Variants in CACNA1F observed in about 807,000 individuals in gnomAD.
CACNA1F encodes calcium voltage-gated channel subunit alpha1 F.
In CACNA1F, 59 loss-of-function variants were observed where a neutral mutation model predicts 143.8. The observed-to-expected ratio is 0.41, with a 90% CI of 0.33 to 0.51. The LOEUF is 0.51. Among genes scored for constraint, CACNA1F ranks in the 20% least tolerant of loss-of-function variants. The pLI, the probability that CACNA1F is intolerant of heterozygous loss-of-function variation, is 0.22. For missense variants in CACNA1F, 1,411 were observed against 1,647.5 expected (o/e 0.86, Z 2.48); for synonymous variants, 643 against 649.1 (o/e 0.99, Z 0.14).
intron 6 of CACNA1F, among the ~76,000 whole-genome samples, chrX:49,229,272 G>A (rs1390119830): frequency 1.8e-5 from 2 of 110,317 alleles, no homozygotes; most frequent in East Asian, 5.8e-4. Flanking sequence ...TTCTCATGCC[G>A]CAGCCTCCCG....
intron 42 of CACNA1F, 85 bp from the exon 43 acceptor site, chrX:49,208,769 T>G (rs2065625409): frequency 1.3e-6 from 1 of 798,080 alleles, no homozygotes; most frequent in East Asian, 3.1e-5. Flanking sequence ...CACAGGTCCA[T>G]GAATGTGGGC....
At chrX:49,208,032 GA>G (rs782291802) in intron 43 of CACNA1F, among the ~76,000 whole-genome samples, 4,105 of 86,178 alleles carry the variant, frequency 0.048, 78 homozygotes, top group African/African-American at 0.055. Context: ...CGTCTCTACT[GA>G]AAAAAAAAAA....
chrX:49,224,048 T>C (rs2065800792), intron 14 of CACNA1F, among the ~76,000 whole-genome samples: 1 of 111,247 alleles, frequency 9.0e-6, no homozygotes, highest in Non-Finnish European at 1.9e-5. Flanking sequence ...GGAGGTTTAA[T>C]GGAAGTTGGT....
Position 49,205,677 on chromosome X carries a change from G to A in CACNA1F, c.5609C>T (p.Pro1870Leu), listed in dbSNP as rs782792010. ...PLRTFTCLHV[P>L]GTHSDPSHGK... ...ATGGCTGGGGTCCGAGTGGGTTCCA[G>A]GCACGTGCAGACAGGTGAAGGTGCG... Residue 1870 changes from proline (P) to leucine (L), a missense_variant, in exon 47 of 48, where the codon CCT becomes CTT. By Grantham distance (98) the Pro-to-Leu change is moderately conservative (BLOSUM62 -3). Around this residue, in one of 3 missense-constraint regions of CACNA1F, gnomAD observed 349 missense variants for 350.2 expected, o/e 1.00. Coordinates refer to ENST00000323022, the MANE Select transcript of CACNA1F (RefSeq NM_001256789.3). 1.7e-6 allele frequency: 2 copies of A among 1,203,350 alleles called. No homozygotes were observed. Among genetic ancestry groups the A allele is most frequent in the African/African-American group, 1.8e-5 (1 of 56,956 alleles).
At chrX:49,217,025 C>T (rs144983806) in intron 26 of CACNA1F, among the ~76,000 whole-genome samples, 8 of 111,540 alleles carry the variant, frequency 7.2e-5, no homozygotes, top group Non-Finnish European at 1.5e-4. Flanking sequence ...GTGGCATGAT[C>T]TTGGCTCACT....
intron 42 of CACNA1F, chrX:49,208,952 A>T: frequency 2.4e-6 from 1 of 419,783 alleles, no homozygotes; most frequent in Non-Finnish European, 4.2e-6. Flanking sequence ...CAGCCTCCCA[A>T]GTAGCTGGGA....
chrX:49,222,104 G>A (rs2065780618), intron 17 of CACNA1F, among the ~76,000 whole-genome samples: 1 of 111,412 alleles, frequency 9.0e-6, no homozygotes, highest in South Asian at 3.8e-4. Context: ...CTTCATTCAG[G>A]TCTCTGGTGA....
At chrX:49,218,857 G>A (rs782565876) in intron 22 of CACNA1F, 25 bp downstream of exon 22, 1 of 1,174,082 alleles carries the variant, frequency 8.5e-7, no homozygotes, top group East Asian at 3.0e-5. Context: ...GCAACTGAGG[G>A]TAGGACTGGG....
Position 49,230,912 on chromosome X carries a change from G to A in CACNA1F, c.459C>T (p.Leu153=). The change falls in exon 4 of 48, where the codon CTC becomes CTT. Residue 153 remains leucine, a synonymous_variant. Transcript: ENST00000323022. ...VLKIVAYGLV[L]HPSAYIRNGW... is the part of the protein sequence containing the mutation. ...CATTGCGGATGTAGGCGCTGGGGTG[G>A]AGCACCAGCCCGTAGGCCACGATCT... 8.4e-7 allele frequency: 1 copy of A among 1,189,157 alleles called. No homozygotes were observed. Among genetic ancestry groups the A allele is most frequent in the South Asian group, 1.8e-5 (1 of 54,444 alleles).
In CACNA1F at chrX:49,209,370, G is replaced by C; in HGVS notation, c.4845C>G (p.Asp1615Glu). Residue 1615 changes from aspartate (D) to glutamate (E), a missense_variant, in exon 42 of 48, where the codon GAC (aspartate) becomes GAG (glutamate). Physicochemically the swap from Asp to Glu is conservative, Grantham distance 45. This residue lies in a region of CACNA1F where 349 missense variants were observed against 350.2 expected (regional missense o/e 1.00). Coordinates refer to ENST00000323022, the MANE Select transcript of CACNA1F (RefSeq NM_001256789.3). The stretch of plus-strand genomic sequence containing the variant: ...GGGCCTGCCGCATCTCAGGACCCAA[G>C]TCCTGCAGGCTCCGCAGACCAGCCT... ...ALQAGLRSLQDLGPEMRQALT... is the reference protein window; with the variant it reads ...ALQAGLRSLQELGPEMRQALT... 8.3e-7 allele frequency: 1 copy of C among 1,210,588 alleles called. No homozygotes were observed. Among genetic ancestry groups the C allele is most frequent in the Non-Finnish European group, 1.1e-6 (1 of 894,768 alleles).
At chrX:49,231,403 A>G in intron 2 of CACNA1F, 96 bp from the exon 3 acceptor site, 1 of 685,512 alleles carries the variant, frequency 1.5e-6, no homozygotes, top group Non-Finnish European at 2.3e-6. Context: ...TTGACGCCCA[A>G]GGTGACAGGT....
At position 49,209,691 on chromosome X, in the gene CACNA1F, G is replaced by A. The variant is rs782005032; in HGVS notation, c.4759C>T (p.Arg1587Trp). 44 of 1,209,219 alleles carry A rather than the reference G, an allele frequency of 3.6e-5. No individual in the cohort carries two copies. In the Admixed American group the frequency reaches 9.4e-4, roughly 26 times the overall value. Residue 1587 changes from arginine (R) to tryptophan (W), a missense_variant, in exon 41 of 48, where the codon CGG (arginine) becomes TGG (tryptophan). Physicochemically the swap from Arg to Trp is moderately radical, Grantham distance 101. Coordinates refer to ENST00000323022, the MANE Select transcript of CACNA1F (RefSeq NM_001256789.3). ...CCTAGTAGCCCTTTTTCTTTCCTCC[G>A]CCGGAATTTGCGGAAATAGTCCTGG... ...LIQDYFRKFR[R>W]RKEKGLLGND...
In CACNA1F at chrX:49,218,900, A is replaced by G; in HGVS notation, c.2715T>C (p.Thr905=). The G allele has an allele frequency of 8.3e-7, 1 of 1,206,762 alleles. No homozygotes were observed. Among genetic ancestry groups the G allele is most frequent in the Non-Finnish European group, 1.1e-6 (1 of 891,772 alleles). ...YFDYAFTSIF[T]VEILLKMTVF... is the part of the protein sequence containing the mutation. ...TAGTCACCTTTAGTAGAATCTCCACAGTGAAAATGGAGGTGAAGGCATAAT... is the reference window on the plus strand; with the variant it reads ...TAGTCACCTTTAGTAGAATCTCCACGGTGAAAATGGAGGTGAAGGCATAAT... The change falls in exon 22 of 48, where the codon ACT becomes ACC. Residue 905 remains threonine, a synonymous_variant. Coordinates refer to ENST00000323022, the MANE Select transcript of CACNA1F (RefSeq NM_001256789.3).
intron 35 of CACNA1F, among the ~76,000 whole-genome samples, 194 bp downstream of exon 35, chrX:49,211,704 G>A (rs1001349078): frequency 2.7e-5 from 3 of 112,268 alleles, no homozygotes; most frequent in South Asian, 3.7e-4. Context: ...AAGGGGAGGC[G>A]TCTTACAGTC....
chrX:49,209,128 CAAAT>C (rs781819121), intron 42 of CACNA1F, 130 bp downstream of exon 42: 6 of 779,778 alleles, frequency 7.7e-6, no homozygotes. Context: ...CTCCCAGCCT[CAAAT>C]AAATATTTTT....
intron 6 of CACNA1F, 26 bp from the exon 7 acceptor site, chrX:49,228,473 T>C: frequency 1.7e-6 from 2 of 1,148,855 alleles, no homozygotes; most frequent in Non-Finnish European, 2.4e-6. Flanking sequence ...AGCTTGGGGC[T>C]TCGAAGCAGG....
chrX:49,230,258 A>G lies in CACNA1F; in HGVS notation c.779T>C (p.Leu260Pro). 8.3e-7 allele frequency: 1 copy of G among 1,207,723 alleles called. No individual in the cohort carries two copies. The highest frequency in any genetic ancestry group is 1.1e-6 in the Non-Finnish European group (1 of 893,120). ...GTAGCACGTCTTGTGCATTCGTCCAAGGAACAGCTCGAGCCCAATGATGGC... is the reference window on the plus strand; with the variant it reads ...GTAGCACGTCTTGTGCATTCGTCCAGGGAACAGCTCGAGCCCAATGATGGC... The part of the protein sequence containing the change: ...IYAIIGLELF[L>P]GRMHKTCYFL... Residue 260 changes from leucine (L) to proline (P), a missense_variant, in exon 6 of 48, where the codon CTT (leucine) becomes CCT (proline). Physicochemically the swap from Leu to Pro is moderately conservative, Grantham distance 98. Coordinates refer to ENST00000323022, the MANE Select transcript of CACNA1F (RefSeq NM_001256789.3).
Position 49,231,320 on chromosome X carries a change from C to G in CACNA1F, c.276-13G>C. The G allele has an allele frequency of 9.2e-7, 1 of 1,085,163 alleles. No homozygotes were observed. Among genetic ancestry groups the G allele is most frequent in the Non-Finnish European group, 1.3e-6 (1 of 797,783 alleles). 89.4% of individuals were successfully genotyped at this position (1,085,163 alleles called of 1,213,427 possible). On this transcript the variant is annotated splice_polypyrimidine_tract_variant and intron_variant, in intron 2 of 47. Transcript: ENST00000323022. ...GATGTCGAAGGGCCTCAGGTGGACA[C>G]AGTCAAGGACCCTGGCAGAGTGGCA...
At position 49,210,666 on chromosome X, in the gene CACNA1F, T is replaced by A. The variant is rs1380730159; in HGVS notation, c.4409A>T (p.Asp1470Val). ...GATACGTCTCAGCAGGGCAACCACATCCAAGTGTTTGATGCGGCCCCTGGA... is the reference window on the plus strand; with the variant it reads ...GATACGTCTCAGCAGGGCAACCACAACCAAGTGTTTGATGCGGCCCCTGGA... ...PGAKGRIKHL[D>V]VVALLRRIQP... is the part of the protein sequence containing the mutation. The change falls in exon 38 of 48, where the codon GAT (aspartate) becomes GTT (valine). Residue 1470 changes from aspartate to valine, a missense_variant. Around this residue, in one of 3 missense-constraint regions of CACNA1F, gnomAD observed 112 missense variants for 169.2 expected, o/e 0.66. Transcript: ENST00000323022. 4.1e-6 allele frequency: 5 copies of A among 1,207,674 alleles called. No individual in the cohort carries two copies. In the African/African-American group the frequency reaches 8.8e-5, roughly 21 times the overall value.
Sources: gnomAD v4.1 joint callset for allele counts (sites outside exome capture counted in the v4.1 genomes callset) on GRCh38, gnomAD v4.1.1 for gene constraint, gnomAD v4.1.1 regional missense constraint, MANE v1.5 for transcripts, NCBI Gene and HGNC (gene_info 2026-07-23, HGNC 2026-07-21) for gene names.